The following MTIF3 variants were observed in gnomAD, a reference collection of about 807,000 sequenced individuals.
MTIF3 encodes the protein translation initiation factor IF-3, mitochondrial.
In MTIF3, 13 loss-of-function variants were observed where a neutral mutation model predicts 20.7. The observed-to-expected ratio is 0.63, with a 90% CI of 0.41 to 1.00. MTIF3 has a LOEUF of 1.00. Among genes scored for constraint, MTIF3 ranks in the 50% least tolerant of loss-of-function variants. The pLI, the probability that MTIF3 is intolerant of heterozygous loss-of-function variation, is 0.00. For synonymous variants in MTIF3, 114 were observed against 112.5 expected (o/e 1.01, Z -0.08); for missense variants, 295 against 324.5 (o/e 0.91, Z 0.70).
At position 27,450,409 on chromosome 13, in the gene MTIF3, C is replaced by T. The variant is rs532867052; in HGVS notation, c.-71+100G>A. ...TCGGTACCGGCGGGACGGGGTAGCC[C>T]TGACCTTCCGGGTGCCTCCTCCACA... On this transcript the variant is annotated intron_variant, in intron 1 of 4. Transcript: ENST00000381120. 824 of 152,444 alleles carry T rather than the reference C, an allele frequency of 5.4e-3. 6 individuals carry two copies. Among genetic ancestry groups the T allele is most frequent in the Middle Eastern group, 0.01 (3 of 296 alleles). 9.4% of individuals were successfully genotyped at this position (152,444 alleles called of 1,614,324 possible). A position where few individuals can be genotyped will look rare whatever the true frequency, so the allele number is the denominator to read the frequency against.
rs1261486543 is a variant in MTIF3 at position 27,437,142 on chromosome 13, T to G, written c.592A>C (p.Asn198His). Residue 198 changes from asparagine (N) to histidine (H), a missense_variant, in exon 4 of 5, where the codon AAT (asparagine) becomes CAT (histidine). Asn to His is a moderately conservative substitution (Grantham distance 68, BLOSUM62 1). Transcript: ENST00000381120. ...LVQITIKKGK[N>H]VDVSENEMEE... ...ATTTCATTTTCTGACACGTCTACAT[T>G]TTTTCCTTTCTTTATGGTAATCTGG... 3.7e-6 allele frequency: 6 copies of G among 1,613,936 alleles called. No homozygotes were observed. The highest frequency in any genetic ancestry group is 5.1e-6 in the Non-Finnish European group (6 of 1,179,944).
At chr13:27,442,122 G>A (rs1020279264) in intron 2 of MTIF3, among the ~76,000 whole-genome samples, 5 of 152,138 alleles carry the variant, frequency 3.3e-5, no homozygotes, top group Admixed American at 2.0e-4. Flanking sequence ...GAGGATTAAC[G>A]TGTTCAAAGT....
chr13:27,437,556 A>G (rs940694471), intron 3 of MTIF3, among the ~76,000 whole-genome samples: 1 of 152,218 alleles, frequency 6.6e-6, no homozygotes, highest in Non-Finnish European at 1.5e-5. Flanking sequence ...TAAAGGATCA[A>G]GTTTGGCTTC....
chr13:27,439,862 T>C, intron 3 of MTIF3, 127 bp downstream of exon 3: 1 of 770,778 alleles, frequency 1.3e-6, no homozygotes, highest in Non-Finnish European at 2.1e-6. Context: ...CTGGGAATGG[T>C]GGTTGAATCA....
chr13:27,438,785 C>T (rs1036657513), intron 3 of MTIF3, among the ~76,000 whole-genome samples: 1 of 152,018 alleles, frequency 6.6e-6, no homozygotes, highest in Non-Finnish European at 1.5e-5. Context: ...CGTGAGCCAC[C>T]ACGCCCAGTG....
intron 1 of MTIF3, among the ~76,000 whole-genome samples, chr13:27,445,932 G>C (rs558075334): frequency 5.3e-5 from 8 of 151,806 alleles, no homozygotes; most frequent in African/African-American, 1.7e-4. Context: ...GAAGAGGGAA[G>C]CTATTCTTGA....
In MTIF3 at chr13:27,437,134, G is replaced by A. The variant is rs749259667; in HGVS notation, c.600C>T (p.Asp200=). Residue 200 remains aspartate, a synonymous_variant, in exon 4 of 5, where the codon GAC becomes GAT. Transcript: ENST00000381120. The part of the protein sequence containing the change: ...QITIKKGKNV[D]VSENEMEEIF... ...TACTTACCATTTCATTTTCTGACAC[G>A]TCTACATTTTTTCCTTTCTTTATGG... 18 of 1,613,518 alleles carry A rather than the reference G, an allele frequency of 1.1e-5. No homozygotes were observed. Among genetic ancestry groups the A allele is most frequent in the African/African-American group, 5.3e-5 (4 of 74,836 alleles).
At chr13:27,439,177 C>G (rs1489373669) in intron 3 of MTIF3, among the ~76,000 whole-genome samples, 1 of 152,198 alleles carries the variant, frequency 6.6e-6, no homozygotes, top group East Asian at 1.9e-4. Flanking sequence ...ATGGGAGATG[C>G]TCTGTGAATC....
rs138161348 is a variant in MTIF3, at chr13:27,437,251, C to A, written c.483G>T (p.Leu161=). The part of the protein sequence containing the change: ...PKTGPTLRKE[L]ILSSNIGQHD... ...GTTGTCCAATATTTGAAGACAAAAT[C>A]AGTTCCTTTCTCAGGGTTGGTCCTG... The change falls in exon 4 of 5, where the codon CTG becomes CTT. Residue 161 remains leucine (L), a synonymous_variant. Coordinates refer to ENST00000381120, the MANE Select transcript of MTIF3 (RefSeq NM_152912.5). 3.1e-6 allele frequency: 5 copies of A among 1,613,570 alleles called. No homozygotes were observed. In the African/African-American group the frequency reaches 5.3e-5, roughly 17 times the overall value.
chr13:27,437,168 A>T lies in MTIF3; in HGVS notation c.566T>A (p.Val189Asp). ...IQQWIKKKHLVQITIKKGKNV... is the reference protein window; with the variant it reads ...IQQWIKKKHLDQITIKKGKNV... ...TTTTCCTTTCTTTATGGTAATCTGG[A>T]CTAGGTGTTTTTTCTTAATCCACTG... Residue 189 changes from valine to aspartate, a missense_variant, in exon 4 of 5, where the codon GTC becomes GAC. Physicochemically the swap from Val to Asp is radical, Grantham distance 152. Transcript: ENST00000381120. 2 of 1,613,914 alleles carry T rather than the reference A, an allele frequency of 1.2e-6. No homozygotes were observed. The highest frequency in any genetic ancestry group is 2.2e-5 in the South Asian group (2 of 91,074).
chr13:27,447,965 T>C (rs1256004577), intron 1 of MTIF3, among the ~76,000 whole-genome samples: 1 of 152,212 alleles, frequency 6.6e-6, no homozygotes, highest in African/African-American at 2.4e-5. Flanking sequence ...TTGGCTCTTA[T>C]GAATAGCTGC....
At chr13:27,445,211 G>A (rs1308359310) in intron 1 of MTIF3, 55 bp from the exon 2 acceptor site, 1 of 152,192 alleles carries the variant, frequency 6.6e-6, no homozygotes, top group Admixed American at 6.5e-5. Flanking sequence ...CACGCACGAT[G>A]TCTCACACCT....
chr13:27,438,062 A>G (rs1953851120), intron 3 of MTIF3, among the ~76,000 whole-genome samples: 2 of 152,212 alleles, frequency 1.3e-5, no homozygotes, highest in Admixed American at 1.3e-4. Flanking sequence ...AGAAGAAAAA[A>G]GTGAAATACA....
chr13:27,439,104 C>T (rs922286468), intron 3 of MTIF3, among the ~76,000 whole-genome samples: 3 of 152,204 alleles, frequency 2.0e-5, no homozygotes, highest in Non-Finnish European at 2.9e-5. Flanking sequence ...ACAAGTGCCT[C>T]GTCAAGTGAC....
intron 3 of MTIF3, among the ~76,000 whole-genome samples, chr13:27,438,952 T>C (rs1238657701): frequency 6.6e-6 from 1 of 152,202 alleles, no homozygotes; most frequent in Non-Finnish European, 1.5e-5. Context: ...AACCTCACGA[T>C]GCAGTGCTGG....
chr13:27,437,147 C>A lies in MTIF3; in HGVS notation c.587G>T (p.Gly196Val), dbSNP rs774054909. The part of the protein sequence containing the change: ...KHLVQITIKK[G>V]KNVDVSENEM... ...ATTTTCTGACACGTCTACATTTTTT[C>A]CTTTCTTTATGGTAATCTGGACTAG... Residue 196 changes from glycine (G) to valine (V), a missense_variant, in exon 4 of 5, where the codon GGA (glycine) becomes GTA (valine). Physicochemically the swap from Gly to Val is moderately radical, Grantham distance 109 (BLOSUM62 -3). Coordinates refer to ENST00000381120, the MANE Select transcript of MTIF3 (RefSeq NM_152912.5). 63 of 1,612,966 alleles carry A rather than the reference C, an allele frequency of 3.9e-5. No individual in the cohort carries two copies. The highest frequency in any genetic ancestry group is 4.7e-5 in the Non-Finnish European group (56 of 1,179,632).
chr13:27,436,244 ACT>A (rs1239623586), intron 4 of MTIF3, among the ~76,000 whole-genome samples: 3 of 151,974 alleles, frequency 2.0e-5, no homozygotes, highest in Admixed American at 6.6e-5. Context: ...AGTTCTCAGC[ACT>A]CTCTATTGCC....
In MTIF3 at chr13:27,441,716, T is replaced by C. The variant is rs144980995; in HGVS notation, c.-1-1267A>G. ...CCCATTCATCTCATCTAGGGCATGC[T>C]AGGAATCATTAGAGAATCACAAACT... On this transcript the variant is annotated intron_variant, in intron 2 of 4. Coordinates refer to ENST00000381120, the MANE Select transcript of MTIF3 (RefSeq NM_152912.5). 1.5e-3 allele frequency among the ~76,000 whole-genome samples: 232 copies of C among 152,292 alleles called. 5 individuals carry two copies. Among genetic ancestry groups the C allele is most frequent in the Admixed American group, 0.012 (181 of 15,304 alleles).
Position 27,439,974 on chromosome 13 carries a change from C to T in MTIF3, c.460+15G>A. 1 of 1,607,144 alleles carries T rather than the reference C, an allele frequency of 6.2e-7. No homozygotes were observed. Among genetic ancestry groups the T allele is most frequent in the South Asian group, 1.1e-5 (1 of 90,918 alleles). On this transcript the variant is annotated intron_variant, in intron 3 of 4. Coordinates refer to ENST00000381120, the MANE Select transcript of MTIF3 (RefSeq NM_152912.5). ...GCTCTTAAAGGATTCAGGGAGCCAA[C>T]AGCAAAATACCTACCAGTTTTGGGG...
Sources: gnomAD v4.1 joint callset for allele counts (sites outside exome capture counted in the v4.1 genomes callset) on GRCh38, gnomAD v4.1.1 for gene constraint, MANE v1.5 for transcripts, NCBI Gene and HGNC (gene_info 2026-07-23, HGNC 2026-07-21) for gene names.